Variants in KAT6A observed in about 807,000 individuals in gnomAD.
KAT6A encodes histone acetyltransferase KAT6A.
KAT6A carries 9 observed loss-of-function variants against 198.4 expected under a neutral mutation model. The observed-to-expected ratio is 0.05, with a 90% CI of 0.03 to 0.08. The LOEUF (loss-of-function observed/expected upper bound fraction) is 0.08, where lower values mean the gene tolerates loss of function less well. Ranked by LOEUF, KAT6A falls within the 10% of genes least tolerant of loss-of-function variation. The pLI, the probability that KAT6A is intolerant of heterozygous loss-of-function variation, is 1.00. For synonymous variants in KAT6A, 890 were observed against 883.0 expected (o/e 1.01, Z -0.14); for missense variants, 2,077 against 2,509.9 (o/e 0.83, Z 3.69).
chr8:41,999,719 G>A (rs1564055246), intron 2 of KAT6A, among the ~76,000 whole-genome samples: 1 of 152,112 alleles, frequency 6.6e-6, no homozygotes, highest in Non-Finnish European at 1.5e-5. Context: ...TCATTCTCCA[G>A]GGTATTTTAC....
rs537411310 is a variant in KAT6A at position 41,954,002 on chromosome 8, G to C, written c.1598+1294C>G. ...TCATGAAACAGTGTGCTTCCTTAAA[G>C]ATACACCACAGTGTTTGGGGCTAAC... On this transcript the variant is annotated intron_variant, in intron 9 of 16. Transcript: ENST00000265713. Among the ~76,000 whole-genome samples, 41 of 152,232 alleles carry C rather than the reference G, an allele frequency of 2.7e-4. 1 individual carries two copies. The highest frequency in any genetic ancestry group is 9.9e-4 in the African/African-American group (41 of 41,540).
chr8:42,001,393 G>A (rs1323863500), intron 2 of KAT6A, among the ~76,000 whole-genome samples: 1 of 152,174 alleles, frequency 6.6e-6, no homozygotes, highest in Non-Finnish European at 1.5e-5. Context: ...GGCATTGAGA[G>A]GGTCAAGAAA....
intron 3 of KAT6A, among the ~76,000 whole-genome samples, chr8:41,984,083 A>G (rs1020474438): frequency 2.0e-5 from 3 of 152,212 alleles, no homozygotes; most frequent in Non-Finnish European, 4.4e-5. Context: ...TAATTTAGAA[A>G]ATATCAACGT....
chr8:41,965,249 T>G (rs1189995776), intron 8 of KAT6A, among the ~76,000 whole-genome samples: 1 of 152,130 alleles, frequency 6.6e-6, no homozygotes, highest in African/African-American at 2.4e-5. Context: ...TAATAAAACT[T>G]TATTTACGAA....
intron 2 of KAT6A, among the ~76,000 whole-genome samples, chr8:42,039,234 A>G (rs1019676781): frequency 6.6e-6 from 1 of 152,362 alleles, no homozygotes; most frequent in Non-Finnish European, 1.5e-5. Flanking sequence ...CCAAGTGGTA[A>G]ATAACTTTAT....
intron 2 of KAT6A, among the ~76,000 whole-genome samples, chr8:42,001,430 A>G (rs924106607): frequency 6.6e-6 from 1 of 152,224 alleles, no homozygotes; most frequent in African/African-American, 2.4e-5. Flanking sequence ...AATGTAGAGT[A>G]AGTGGCAGCT....
intron 2 of KAT6A, among the ~76,000 whole-genome samples, chr8:42,034,319 A>AT (rs1004254277): frequency 1.3e-5 from 2 of 152,174 alleles, no homozygotes; most frequent in African/African-American, 4.8e-5. Context: ...TGGCTCAAGA[A>AT]TCTGCATTTT....
intron 2 of KAT6A, among the ~76,000 whole-genome samples, chr8:42,011,456 G>A (rs558556508): frequency 9.2e-5 from 14 of 152,170 alleles, no homozygotes; most frequent in South Asian, 6.2e-4. Flanking sequence ...TCACTACTTC[G>A]GCCGGGTGCG....
intron 8 of KAT6A, 117 bp from the exon 9 acceptor site, chr8:41,955,528 A>T (rs1822879662): frequency 1.6e-6 from 1 of 636,424 alleles, no homozygotes; most frequent in Middle Eastern, 2.6e-4. Flanking sequence ...AAACAAAAAC[A>T]AAAGCCAGAA....
chr8:41,980,393 T>A (rs1824288156), intron 5 of KAT6A, among the ~76,000 whole-genome samples: 1 of 152,100 alleles, frequency 6.6e-6, no homozygotes, highest in Admixed American at 6.5e-5. Flanking sequence ...TTTTATTTCA[T>A]AAAGTATTTC....
chr8:41,979,377 G>T (rs186756467), intron 5 of KAT6A, among the ~76,000 whole-genome samples: 171 of 152,122 alleles, frequency 1.1e-3, no homozygotes, highest in Middle Eastern at 3.4e-3. Context: ...AGTGGCTCAT[G>T]CCTGTAATCC....
chr8:41,945,508 G>A (rs897426021), intron 12 of KAT6A, among the ~76,000 whole-genome samples: 16 of 151,992 alleles, frequency 1.1e-4, no homozygotes, highest in Non-Finnish European at 2.2e-4. Flanking sequence ...CCGACCTCAT[G>A]ATCTGCCCAC....
chr8:41,946,772 A>C, intron 11 of KAT6A, 88 bp from the exon 12 acceptor site: 1 of 756,422 alleles, frequency 1.3e-6, no homozygotes, highest in South Asian at 1.4e-5. Flanking sequence ...TAATGGCCAA[A>C]ACCCACAGCC....
In KAT6A at chr8:41,937,402, T is replaced by C. The variant is rs779764662; in HGVS notation, c.3206A>G (p.Glu1069Gly). 32 of 1,613,992 alleles carry C rather than the reference T, an allele frequency of 2.0e-5. 1 individual carries two copies. The Admixed American group carries it at 2.2e-4, about 11-fold the overall frequency. The change falls in exon 16 of 17, where the codon GAA becomes GGA. Residue 1069 changes from glutamate to glycine, a missense_variant. Glu to Gly is a moderately conservative substitution (Grantham distance 98, BLOSUM62 -2). Around this residue, in one of 13 missense-constraint regions of KAT6A, gnomAD observed 375 missense variants for 383.0 expected, o/e 0.98. Coordinates refer to ENST00000265713, the MANE Select transcript of KAT6A (RefSeq NM_006766.5). The part of the protein sequence containing the change: ...PRLEPTFEID[E>G]EEEEEDENEL... ...ATTTTCATCCTCTTCCTCCTCTTCT[T>C]CATCGATCTCAAACGTGGGTTCTAA...
chr8:42,010,101 T>A (rs1205309737), intron 2 of KAT6A, among the ~76,000 whole-genome samples: 2 of 151,932 alleles, frequency 1.3e-5, no homozygotes, highest in African/African-American at 4.8e-5. Flanking sequence ...GGTCAGGAGT[T>A]CAAGACCAGT....
chr8:42,003,590 G>C (rs979371822), intron 2 of KAT6A, among the ~76,000 whole-genome samples: 1 of 151,558 alleles, frequency 6.6e-6, no homozygotes, highest in South Asian at 2.1e-4. Context: ...TTTCTTTACT[G>C]AAGTATCTAG....
chr8:41,969,529 C>G (rs977467140), intron 8 of KAT6A, among the ~76,000 whole-genome samples: 4 of 152,186 alleles, frequency 2.6e-5, no homozygotes, highest in African/African-American at 9.7e-5. Context: ...TCTACCACCA[C>G]CCCTCTAGTC....
At chr8:41,937,057 G>A (rs1434564640) in intron 16 of KAT6A, among the ~76,000 whole-genome samples, 199 bp downstream of exon 16, 1 of 152,212 alleles carries the variant, frequency 6.6e-6, no homozygotes, top group Non-Finnish European at 1.5e-5. Flanking sequence ...AATTAATAGA[G>A]GTTCTGAGTT....
At chr8:41,952,367 G>A (rs1822707670) in intron 9 of KAT6A, among the ~76,000 whole-genome samples, 1 of 152,130 alleles carries the variant, frequency 6.6e-6, no homozygotes, top group Non-Finnish European at 1.5e-5. Flanking sequence ...CAGCACAGGA[G>A]CAGAGGGCAT....
Sources: allele counts gnomAD v4.1 joint callset (sites outside exome capture counted in the v4.1 genomes callset), GRCh38; gene constraint gnomAD v4.1.1; regional missense constraint gnomAD v4.1.1; transcripts MANE v1.5; gene names NCBI Gene and HGNC (gene_info 2026-07-23, HGNC 2026-07-21).